PDSS1: variants seen among roughly 807,000 people sequenced by gnomAD.
PDSS1 encodes all trans-polyprenyl-diphosphate synthase PDSS1.
PDSS1 carries 43 observed loss-of-function variants against 57.5 expected under a neutral mutation model. The observed-to-expected ratio is 0.75, with a 90% CI of 0.59 to 0.96. The LOEUF is 0.96. Among genes scored for constraint, PDSS1 ranks in the 50% least tolerant of loss-of-function variants. The probability of loss-of-function intolerance (pLI) is 0.00; values close to 1 mark genes in which losing one functional copy is unlikely to be tolerated. For missense variants in PDSS1, 438 were observed against 527.8 expected (o/e 0.83, Z 1.67); for synonymous variants, 175 against 191.3 (o/e 0.91, Z 0.70).
chr10:26,708,911 G>A (rs926033615), intron 4 of PDSS1, among the ~76,000 whole-genome samples: 15 of 152,070 alleles, frequency 9.9e-5, no homozygotes, highest in African/African-American at 1.7e-4. Flanking sequence ...GGCTCCCGAC[G>A]GCCACTGGCT....
At chr10:26,722,341 A>C (rs1305260576) in intron 6 of PDSS1, among the ~76,000 whole-genome samples, 1 of 152,258 alleles carries the variant, frequency 6.6e-6, no homozygotes. Flanking sequence ...AGAACCTAAG[A>C]CAATAAGTAC....
intron 8 of PDSS1, among the ~76,000 whole-genome samples, chr10:26,725,959 A>C (rs764331679): frequency 6.6e-6 from 1 of 152,216 alleles, no homozygotes; most frequent in Non-Finnish European, 1.5e-5. Context: ...CATTAGTAGT[A>C]GTGAGACTAT....
chr10:26,715,014 C>T (rs938891060), intron 5 of PDSS1: 1 of 152,198 alleles, frequency 6.6e-6, no homozygotes, highest in Non-Finnish European at 1.5e-5. Flanking sequence ...TTCCAAAGGT[C>T]AGGCCACTAA....
intron 8 of PDSS1, among the ~76,000 whole-genome samples, chr10:26,731,399 C>G (rs1588698869): frequency 1.3e-5 from 2 of 152,220 alleles, no homozygotes; most frequent in East Asian, 3.9e-4. Flanking sequence ...TATCAGATCC[C>G]ATTATGTGGA....
chr10:26,733,742 G>C (rs1191997673), intron 8 of PDSS1, among the ~76,000 whole-genome samples: 1 of 152,116 alleles, frequency 6.6e-6, no homozygotes, highest in Admixed American at 6.5e-5. Context: ...TTGGGAGGTG[G>C]AGGTGGGAGG....
Position 26,709,714 on chromosome 10 carries a change from C to G in PDSS1, c.413C>G (p.Pro138Arg). Residue 138 changes from proline (P) to arginine (R), a missense_variant, in exon 5 of 12, where the codon CCA becomes CGA. Transcript: ENST00000376215. ...YFDGKGKAFR[P>R]IIVALMARAC... Reference sequence around the variant, plus strand: ...GATGGGAAAGGGAAAGCCTTTCGACCAATTATTGTGGCGCTAATGGCCCGA... The same window carrying G: ...GATGGGAAAGGGAAAGCCTTTCGACGAATTATTGTGGCGCTAATGGCCCGA... 1 of 1,613,650 alleles carries G rather than the reference C, an allele frequency of 6.2e-7. No individual in the cohort carries two copies. The highest frequency in any genetic ancestry group is 8.5e-7 in the Non-Finnish European group (1 of 1,179,594).
At chr10:26,707,057 C>G (rs1835250487) in intron 4 of PDSS1, among the ~76,000 whole-genome samples, 1 of 152,114 alleles carries the variant, frequency 6.6e-6, no homozygotes, top group Admixed American at 6.6e-5. Context: ...TGGCATACTT[C>G]CAGGGACTTG....
At chr10:26,745,589 G>A (rs1836824800) in intron 11 of PDSS1, among the ~76,000 whole-genome samples, 1 of 152,258 alleles carries the variant, frequency 6.6e-6, no homozygotes, top group East Asian at 1.9e-4. Flanking sequence ...GCTCACACCT[G>A]TAATCCCAGC....
intron 11 of PDSS1, among the ~76,000 whole-genome samples, chr10:26,744,757 A>G (rs901752217): frequency 6.6e-6 from 1 of 152,232 alleles, no homozygotes; most frequent in Non-Finnish European, 1.5e-5. Context: ...CACTGAGAGA[A>G]GGCAGGCTTC....
At chr10:26,723,767 T>A in intron 6 of PDSS1, 39 bp from the exon 7 acceptor site, 15 of 1,413,198 alleles carry the variant, frequency 1.1e-5, no homozygotes, top group Non-Finnish European at 1.5e-5. Context: ...CTCTGATGGA[T>A]TTTTCAGAAC....
chr10:26,717,485 G>C (rs1366786251), intron 5 of PDSS1: 7 of 152,258 alleles, frequency 4.6e-5, no homozygotes, highest in Non-Finnish European at 1.0e-4. Context: ...TCCCGCCTCG[G>C]CGTCCCAAAG....
intron 10 of PDSS1, chr10:26,740,678 A>G: frequency 2.2e-6 from 1 of 456,736 alleles, no homozygotes; most frequent in Non-Finnish European, 4.4e-6. Context: ...CAGCTGCTGT[A>G]AGCACTGACG....
At chr10:26,698,610 C>T (rs1465620573) in intron 1 of PDSS1, among the ~76,000 whole-genome samples, 5 of 152,210 alleles carry the variant, frequency 3.3e-5, no homozygotes, top group African/African-American at 1.2e-4. Flanking sequence ...TGTAATGATT[C>T]TCAGTGTGCC....
At chr10:26,733,622 A>G (rs1274543231) in intron 8 of PDSS1, among the ~76,000 whole-genome samples, 1 of 152,166 alleles carries the variant, frequency 6.6e-6, no homozygotes, top group Non-Finnish European at 1.5e-5. Flanking sequence ...AGGTGCGTGG[A>G]CACTGCCAAG....
rs1268842094 is a variant in PDSS1 at position 26,741,490 on chromosome 10, G to C, written c.1027-1007G>C. On this transcript the variant is annotated intron_variant, in intron 10 of 11. Transcript: ENST00000376215. ...GATGGAGCAAGACTCCATCACAGGA[G>C]GGGGGGAAAAACAACAAAAAAACAA... Among the ~76,000 whole-genome samples the C allele has an allele frequency of 3.3e-5, 5 of 150,324 alleles. No individual in the cohort carries two copies. The South Asian group carries it at 8.5e-4, about 25-fold the overall frequency.
chr10:26,732,069 A>G (rs968277637), intron 8 of PDSS1, among the ~76,000 whole-genome samples: 1 of 152,238 alleles, frequency 6.6e-6, no homozygotes, highest in Admixed American at 6.5e-5. Context: ...TGCTTCAAAC[A>G]AAACAGTCAG....
rs567247902 is a variant in PDSS1 at position 26,710,039 on chromosome 10, AG to A, written c.467+272del. On this transcript the variant is annotated intron_variant, in intron 5 of 11. Transcript: ENST00000376215. ...CGTGGTGGCAGGTGCCTGTAATCCCAGCTACTTGGGAGGCTGAGGCAGGAGA... is the reference window on the plus strand; with the variant it reads ...CGTGGTGGCAGGTGCCTGTAATCCCACTACTTGGGAGGCTGAGGCAGGAGA... 2.0e-3 allele frequency among the ~76,000 whole-genome samples: 299 copies of A among 151,870 alleles called. 1 individual carries two copies. Among genetic ancestry groups the A allele is most frequent in the Admixed American group, 7.9e-3 (120 of 15,222 alleles).
Position 26,742,484 on chromosome 10 carries a change from C to CT in PDSS1, c.1027-6dup, listed in dbSNP as rs527296865. On this transcript the variant is annotated splice_polypyrimidine_tract_variant and intron_variant, in intron 10 of 11. Coordinates refer to ENST00000376215, the MANE Select transcript of PDSS1 (RefSeq NM_014317.5). ...AAATAGATTTTCTCAGATTTTCTCT[C>CT]TTTTTTTGTTAGTTCCCAGAAATGA... The CT allele has an allele frequency of 2.1e-5, 33 of 1,593,924 alleles. No individual in the cohort carries two copies. In the African/African-American group the frequency reaches 3.1e-4, roughly 15 times the overall value.
intron 9 of PDSS1, 41 bp from the exon 10 acceptor site, chr10:26,735,425 G>A: frequency 7.1e-7 from 1 of 1,415,048 alleles, no homozygotes; most frequent in Non-Finnish European, 1.0e-6. Context: ...AGCAGTGTTG[G>A]CATGGCGGTG....
Sources: allele counts gnomAD v4.1 joint callset (sites outside exome capture counted in the v4.1 genomes callset), GRCh38; gene constraint gnomAD v4.1.1; transcripts MANE v1.5; gene names NCBI Gene and HGNC (gene_info 2026-07-23, HGNC 2026-07-21).